Variants in DLGAP1 observed in about 807,000 individuals in gnomAD.
DLGAP1 encodes the protein DLG associated protein 1.
DLGAP1 carries 11 observed loss-of-function variants against 90.8 expected under a neutral mutation model. The observed-to-expected ratio is 0.12, with a 90% CI of 0.08 to 0.20. The LOEUF (loss-of-function observed/expected upper bound fraction) is 0.20. Ranked by LOEUF, DLGAP1 falls within the 10% of genes least tolerant of loss-of-function variation. The pLI, the probability that DLGAP1 is intolerant of heterozygous loss-of-function variation, is 1.00. For synonymous variants in DLGAP1, 558 were observed against 540.7 expected (o/e 1.03, Z -0.44); for missense variants, 1,050 against 1,333.8 (o/e 0.79, Z 3.31).
Position 4,219,027 on chromosome 18 carries a change from GTTTTTTTTTTTT to G in DLGAP1, c.-266-67752_-266-67741del, listed in dbSNP as rs34333673. Among the ~76,000 whole-genome samples, 18 of 92,020 alleles carry G rather than the reference GTTTTTTTTTTTT, an allele frequency of 2.0e-4. 2 individuals carry two copies. Among genetic ancestry groups the G allele is most frequent in the East Asian group, 6.5e-4 (2 of 3,094 alleles). The allele number at this position is 92,020 out of a possible 152,430, so 60.4% of individuals were successfully genotyped here. On this transcript the variant is annotated intron_variant, in intron 1 of 12. Transcript: ENST00000315677. ...TGGGTCTTATGCTAGTTCTATCTTTGTTTTTTTTTTTTTTTTTTTTTTTTAAGGAGTCTCCAA... is the reference window on the plus strand; with the variant it reads ...TGGGTCTTATGCTAGTTCTATCTTTGTTTTTTTTTTTTAAGGAGTCTCCAA...
chr18:3,718,196 C>T (rs2061829436), intron 7 of DLGAP1, among the ~76,000 whole-genome samples: 1 of 152,274 alleles, frequency 6.6e-6, no homozygotes. Flanking sequence ...TGCAGCGGCT[C>T]ATGCCTATAA....
At position 4,174,427 on chromosome 18, in the gene DLGAP1, C is replaced by T. The variant is rs946556440; in HGVS notation, c.-266-23140G>A. Reference sequence around the variant, plus strand: ...TCGGCTCACTGCAACCTCCGCCCCCCGGGTTCAAGCAATTCTCCTGCCTCA... The same window carrying T: ...TCGGCTCACTGCAACCTCCGCCCCCTGGGTTCAAGCAATTCTCCTGCCTCA... On this transcript the variant is annotated intron_variant, in intron 1 of 12. Transcript: ENST00000315677. Among the ~76,000 whole-genome samples the T allele has an allele frequency of 3.9e-5, 6 of 152,052 alleles. No homozygotes were observed. In the East Asian group the frequency reaches 9.7e-4, roughly 25 times the overall value.
chr18:3,859,328 C>T (rs1455148630), intron 4 of DLGAP1, among the ~76,000 whole-genome samples: 1 of 152,160 alleles, frequency 6.6e-6, no homozygotes, highest in Non-Finnish European at 1.5e-5. Flanking sequence ...ACATCTTTCA[C>T]ACCAAGTTTA....
At chr18:4,092,929 CT>C (rs989622120) in intron 2 of DLGAP1, among the ~76,000 whole-genome samples, 2 of 152,158 alleles carry the variant, frequency 1.3e-5, no homozygotes, top group Non-Finnish European at 1.5e-5. Flanking sequence ...TAGCTGATTT[CT>C]TCTTTTAACT....
At chr18:4,286,121 G>T (rs1008600571) in intron 1 of DLGAP1, among the ~76,000 whole-genome samples, 1 of 152,112 alleles carries the variant, frequency 6.6e-6, no homozygotes, top group Admixed American at 6.6e-5. Flanking sequence ...CTGACTCTGG[G>T]CAAAAGTGTT....
intron 3 of DLGAP1, among the ~76,000 whole-genome samples, chr18:3,950,610 G>T (rs1334682213): frequency 6.6e-6 from 1 of 152,212 alleles, no homozygotes; most frequent in African/African-American, 2.4e-5. Flanking sequence ...ATGAATGAAT[G>T]AATGAATGAT....
In DLGAP1 at chr18:4,299,702, A is replaced by C. The variant is rs535670532; in HGVS notation, c.-266-148415T>G. On this transcript the variant is annotated intron_variant, in intron 1 of 12. Coordinates refer to ENST00000315677, the MANE Select transcript of DLGAP1 (RefSeq NM_004746.4). ...AGATTTTGTTTAAAAAACACACACA[A>C]AAAAAACAAACAAAATACCAGAAGG... Among the ~76,000 whole-genome samples the C allele has an allele frequency of 2.2e-4, 29 of 134,804 alleles. No homozygotes were observed. The East Asian group carries it at 2.8e-3, about 13-fold the overall frequency. The allele number at this position is 134,804 out of a possible 152,430, so 88.4% of individuals were successfully genotyped here.
In DLGAP1 at chr18:3,498,660, T is replaced by C. The variant is rs1175268727; in HGVS notation, c.*525A>G. The C allele has an allele frequency of 6.6e-6, 1 of 152,350 alleles. No individual in the cohort carries two copies. The highest frequency in any genetic ancestry group is 1.5e-5 in the Non-Finnish European group (1 of 68,144). 9.4% of individuals were successfully genotyped at this position (152,350 alleles called of 1,614,324 possible). A position where few individuals can be genotyped will look rare whatever the true frequency, so the allele number is the denominator to read the frequency against. The stretch of plus-strand genomic sequence containing the variant: ...CATGGATTCCAGTGAGATGGTGTGA[T>C]TTCTGAGGTTGGGAATAAAGTGCTC... On this transcript the variant is annotated 3_prime_UTR_variant, in exon 13 of 13. Transcript: ENST00000315677.
intron 3 of DLGAP1, among the ~76,000 whole-genome samples, chr18:3,977,434 G>GTTTTTTTTTTT (rs58599574): frequency 8.4e-4 from 80 of 95,322 alleles, no homozygotes; most frequent in African/African-American, 2.7e-3. Context: ...TTTATTCTGT[G>GTTTTTTTTTTT]TTTTTTTTTT....
intron 1 of DLGAP1, among the ~76,000 whole-genome samples, chr18:4,181,233 T>C (rs2077202795): frequency 6.6e-6 from 1 of 152,176 alleles, no homozygotes; most frequent in African/African-American, 2.4e-5. Context: ...TGTTATTTCA[T>C]GTGATGAACT....
At position 4,042,553 on chromosome 18, in the gene DLGAP1, T is replaced by C. The variant is rs113932846; in HGVS notation, c.-158-37352A>G. Among the ~76,000 whole-genome samples, 104 of 152,130 alleles carry C rather than the reference T, an allele frequency of 6.8e-4. No individual in the cohort carries two copies. The Middle Eastern group carries it at 0.01, about 15-fold the overall frequency. ...AGGAGTTCGAGACAAGCCTGGCCAA[T>C]ATGGTGAAACCTTGTCTCTACTAAA... On this transcript the variant is annotated intron_variant, in intron 2 of 12. Coordinates refer to ENST00000315677, the MANE Select transcript of DLGAP1 (RefSeq NM_004746.4).
chr18:4,444,772 T>C (rs539236965), intron 1 of DLGAP1, among the ~76,000 whole-genome samples: 2 of 152,338 alleles, frequency 1.3e-5, no homozygotes, highest in Non-Finnish European at 2.9e-5. Flanking sequence ...GTATGGTTAA[T>C]AGCACTTACT....
intron 5 of DLGAP1, among the ~76,000 whole-genome samples, chr18:3,778,859 C>T (rs956575170): frequency 5.3e-5 from 8 of 152,108 alleles, no homozygotes; most frequent in Non-Finnish European, 8.8e-5. Context: ...GGAGACATAG[C>T]GTGGCTCAGG....
intron 1 of DLGAP1, among the ~76,000 whole-genome samples, chr18:4,437,811 AG>A (rs11352042): frequency 1 from 152,244 of 152,276 alleles, 76,106 homozygotes; most frequent in Middle Eastern, 1. Context: ...ATACAGTTGG[AG>A]GGTTATATTA....
At chr18:4,136,253 A>G (rs1321664638) in intron 2 of DLGAP1, among the ~76,000 whole-genome samples, 1 of 152,162 alleles carries the variant, frequency 6.6e-6, no homozygotes. Context: ...TCTTTTGGAT[A>G]TATACCTAGC....
intron 1 of DLGAP1, among the ~76,000 whole-genome samples, chr18:4,426,941 AG>A (rs2083171529): frequency 6.6e-6 from 1 of 152,250 alleles, no homozygotes; most frequent in Non-Finnish European, 1.5e-5. Flanking sequence ...TTGGTTAAGA[AG>A]ATCAACTATT....
chr18:4,099,341 A>ATCTGTCTG (rs1313283586), intron 2 of DLGAP1, among the ~76,000 whole-genome samples: 7 of 72,530 alleles, frequency 9.7e-5, no homozygotes, highest in Non-Finnish European at 1.9e-4. Context: ...CTATCTATCT[A>ATCTGTCTG]TCTATCTGTC....
chr18:4,313,320 G>A (rs1568507732), intron 1 of DLGAP1, among the ~76,000 whole-genome samples: 2 of 152,184 alleles, frequency 1.3e-5, no homozygotes, highest in South Asian at 4.1e-4. Flanking sequence ...GGTAATGGGA[G>A]TGGAGACAGT....
At chr18:3,806,804 C>T (rs2066587430) in intron 5 of DLGAP1, among the ~76,000 whole-genome samples, 1 of 152,192 alleles carries the variant, frequency 6.6e-6, no homozygotes, top group Non-Finnish European at 1.5e-5. Flanking sequence ...CCAGGGCCTT[C>T]CCTGCTCCCC....
Sources: allele counts gnomAD v4.1 joint callset (sites outside exome capture counted in the v4.1 genomes callset), GRCh38; gene constraint gnomAD v4.1.1; transcripts MANE v1.5; gene names NCBI Gene and HGNC (gene_info 2026-07-23, HGNC 2026-07-21).